Variants in JRK observed in about 807,000 individuals in gnomAD.
JRK encodes Jrk helix-turn-helix protein, also known as jerky protein homolog.
For synonymous variants in JRK, 303 were observed against 218.1 expected (o/e 1.39, Z -3.43); for missense variants, 720 against 509.2 (o/e 1.41, Z -3.98).
chr8:142,665,226 G>A lies in JRK; in HGVS notation c.833C>T (p.Ser278Leu), dbSNP rs782116701. Residue 278 changes from serine (S) to leucine (L), a missense_variant, in exon 2 of 2, where the codon TCG becomes TTG. Physicochemically the swap from Ser to Leu is moderately radical, Grantham distance 145. Transcript: ENST00000612905. Reference protein sequence around the residue: ...SDWFHHIFVPSVREHFRTIGL... With the variant: ...SDWFHHIFVPLVREHFRTIGL... ...TATGGTTCTGAAGTGCTCTCTCACC[G>A]AGGGCACAAAGATATGATGGAACCA... is the stretch of plus-strand genomic sequence containing the variant. 7.0e-5 allele frequency: 50 copies of A among 717,790 alleles called. 2 individuals carry two copies. Among genetic ancestry groups the A allele is most frequent in the South Asian group, 5.0e-4 (34 of 67,602 alleles). The allele number at this position is 717,790 out of a possible 1,614,324, so 44.5% of individuals were successfully genotyped here. A position where few individuals can be genotyped will look rare whatever the true frequency, so the allele number is the denominator to read the frequency against.
In JRK at chr8:142,661,765, G is replaced by A. The variant is rs377209416; in HGVS notation, c.*2587C>T. The A allele has an allele frequency of 2.5e-4, 243 of 985,502 alleles. 2 individuals carry two copies. In the African/African-American group the frequency reaches 3.1e-3, roughly 13 times the overall value. 61.0% of individuals were successfully genotyped at this position (985,502 alleles called of 1,614,324 possible). A position where few individuals can be genotyped will look rare whatever the true frequency, so the allele number is the denominator to read the frequency against. On this transcript the variant is annotated 3_prime_UTR_variant, in exon 2 of 2. Transcript: ENST00000612905. ...GCTGTGCTGTGGTGTCTGGTACAGC[G>A]GGGCTCCACCTGAGAGGGCTTGGGG... is the stretch of plus-strand genomic sequence containing the variant.
At chr8:142,669,621 G>A (rs1847259552) in intron 1 of JRK, among the ~76,000 whole-genome samples, 1 of 152,096 alleles carries the variant, frequency 6.6e-6, no homozygotes, top group Non-Finnish European at 1.5e-5. Flanking sequence ...GAAGGGTCCG[G>A]GCTGGGGCGT....
rs1229008765 is a variant in JRK at position 142,658,659 on chromosome 8, C to T, written c.*5693G>A. Reference sequence around the variant, plus strand: ...TAAGCCTAGTCACCTCCCAAAGGCCCCACCTCCTAATACCACCCTCCTGGG... The same window carrying T: ...TAAGCCTAGTCACCTCCCAAAGGCCTCACCTCCTAATACCACCCTCCTGGG... On this transcript the variant is annotated 3_prime_UTR_variant, in exon 2 of 2. Coordinates refer to ENST00000612905, the MANE Select transcript of JRK (RefSeq NM_003724.4). The T allele has an allele frequency of 8.1e-5, 75 of 927,054 alleles. No individual in the cohort carries two copies. Among genetic ancestry groups the T allele is most frequent in the Non-Finnish European group, 1.1e-4 (70 of 664,764 alleles). The allele number at this position is 927,054 out of a possible 1,614,324, so 57.4% of individuals were successfully genotyped here. A position where few individuals can be genotyped will look rare whatever the true frequency, so the allele number is the denominator to read the frequency against.
chr8:142,653,950 TTCTC>T (rs1846707341), downstream of JRK, among the ~76,000 whole-genome samples: 1 of 152,190 alleles, frequency 6.6e-6, no homozygotes, highest in Non-Finnish European at 1.5e-5. Context: ...ATTCAACTCT[TTCTC>T]TACTGCAATT....
At chr8:142,666,838 C>A (rs1847142663) in intron 1 of JRK, among the ~76,000 whole-genome samples, 1 of 152,198 alleles carries the variant, frequency 6.6e-6, no homozygotes, top group South Asian at 2.1e-4. Flanking sequence ...CAGGCAGAAG[C>A]CATCAGAGGA....
In JRK at chr8:142,660,494, G is replaced by A. The variant is rs1477024825; in HGVS notation, c.*3858C>T. On this transcript the variant is annotated 3_prime_UTR_variant, in exon 2 of 2. Transcript: ENST00000612905. ...TAACTCACTGCAGCCTCAAACTCCT[G>A]GGCTTGGGGATCCTCCCGCCTCGGC... 6 of 900,840 alleles carry A rather than the reference G, an allele frequency of 6.7e-6. No individual in the cohort carries two copies. The Admixed American group carries it at 1.9e-4, about 28-fold the overall frequency. The allele number at this position is 900,840 out of a possible 1,614,324, so 55.8% of individuals were successfully genotyped here. A position where few individuals can be genotyped will look rare whatever the true frequency, so the allele number is the denominator to read the frequency against.
chr8:142,645,731 T>C, the JRK span, among the ~76,000 whole-genome samples: 1 of 152,150 alleles, frequency 6.6e-6, no homozygotes, highest in African/African-American at 2.4e-5. Context: ...ACACAGACCA[T>C]TCATGACATG....
At chr8:142,653,461 C>A (rs138963039), downstream of JRK, among the ~76,000 whole-genome samples, 1 of 152,138 alleles carries the variant, frequency 6.6e-6, no homozygotes, top group Non-Finnish European at 1.5e-5. Context: ...GTGGCCTTGA[C>A]CTCCTGGGCT....
chr8:142,669,429 C>T (rs976628132), intron 1 of JRK, among the ~76,000 whole-genome samples: 4 of 152,128 alleles, frequency 2.6e-5, no homozygotes, highest in Non-Finnish European at 2.9e-5. Context: ...AGAGACAGCG[C>T]TGGGCTACTG....
Position 142,665,879 on chromosome 8 carries a change from C to T in JRK, c.180G>A (p.Ala60=), listed in dbSNP as rs782439628. The change falls in exon 2 of 2, where the codon GCG becomes GCA. Residue 60 remains alanine (A), a synonymous_variant. Coordinates refer to ENST00000612905, the MANE Select transcript of JRK (RefSeq NM_003724.4). ...STLYDIRAHK[A]QLLRFFASSD... is the part of the protein sequence containing the mutation. Reference sequence around the variant, plus strand: ...AGCTGGCGAAGAACCGGAGCAGCTGCGCCTTGTGGGCCCTGATGTCGTAGA... The same window carrying T: ...AGCTGGCGAAGAACCGGAGCAGCTGTGCCTTGTGGGCCCTGATGTCGTAGA... 2.3e-5 allele frequency: 18 copies of T among 783,230 alleles called. No individual in the cohort carries two copies. The highest frequency in any genetic ancestry group is 4.8e-5 in the East Asian group (2 of 41,260). 48.5% of individuals were successfully genotyped at this position (783,230 alleles called of 1,614,324 possible). A position where few individuals can be genotyped will look rare whatever the true frequency, so the allele number is the denominator to read the frequency against.
At chr8:142,655,005 C>T (rs1489454673), downstream of JRK, among the ~76,000 whole-genome samples, 1 of 152,188 alleles carries the variant, frequency 6.6e-6, no homozygotes, top group East Asian at 1.9e-4. Flanking sequence ...GGAGGCCTCC[C>T]CTGCTCAGCC....
In JRK at chr8:142,664,007, C is replaced by A. The variant is rs1374602892; in HGVS notation, c.*345G>T. 13 of 1,092,830 alleles carry A rather than the reference C, an allele frequency of 1.2e-5. No individual in the cohort carries two copies. Among genetic ancestry groups the A allele is most frequent in the Non-Finnish European group, 1.4e-5 (13 of 898,622 alleles). 67.7% of individuals were successfully genotyped at this position (1,092,830 alleles called of 1,614,324 possible). A position where few individuals can be genotyped will look rare whatever the true frequency, so the allele number is the denominator to read the frequency against. On this transcript the variant is annotated 3_prime_UTR_variant, in exon 2 of 2. Transcript: ENST00000612905. ...AGACTGACATCTCCACCCTCTGATA[C>A]TGCAATGATCAGCCAGCGAACACGA...
At chr8:142,669,329 G>A (rs587733185) in intron 1 of JRK, among the ~76,000 whole-genome samples, 1 of 152,208 alleles carries the variant, frequency 6.6e-6, no homozygotes, top group South Asian at 2.1e-4. Context: ...GGAGGGGACA[G>A]AAAGCCTGGG....
At chr8:142,650,782 C>A in the JRK span, among the ~76,000 whole-genome samples, 1 of 152,156 alleles carries the variant, frequency 6.6e-6, no homozygotes, top group Admixed American at 6.5e-5. Flanking sequence ...AAACACATTT[C>A]TAAGTGTCTA....
In JRK at chr8:142,661,926, C is replaced by A; in HGVS notation, c.*2426G>T. On this transcript the variant is annotated 3_prime_UTR_variant, in exon 2 of 2. Coordinates refer to ENST00000612905, the MANE Select transcript of JRK (RefSeq NM_003724.4). ...ACAGGACCGAGGCAAGAGGTATGCACCAGGCAGCTGGGCCCAGCAGCTCAG... is the reference window on the plus strand; with the variant it reads ...ACAGGACCGAGGCAAGAGGTATGCAACAGGCAGCTGGGCCCAGCAGCTCAG... 1.0e-6 allele frequency: 1 copy of A among 985,544 alleles called. No homozygotes were observed. Among genetic ancestry groups the A allele is most frequent in the South Asian group, 4.7e-5 (1 of 21,284 alleles). 61.0% of individuals were successfully genotyped at this position (985,544 alleles called of 1,614,324 possible). A position where few individuals can be genotyped will look rare whatever the true frequency, so the allele number is the denominator to read the frequency against.
At position 142,660,359 on chromosome 8, in the gene JRK, G is replaced by C. The variant is rs587654347; in HGVS notation, c.*3993C>G. ...ACATCCTGACCCCTACCTACCTCAT[G>C]ACCTCCCCGACCCTGATCTCCACAC... On this transcript the variant is annotated 3_prime_UTR_variant, in exon 2 of 2. Transcript: ENST00000612905. 1.3e-4 allele frequency: 131 copies of C among 985,314 alleles called. 1 individual carries two copies. The African/African-American group carries it at 2.1e-3, about 16-fold the overall frequency. 61.0% of individuals were successfully genotyped at this position (985,314 alleles called of 1,614,324 possible). A position where few individuals can be genotyped will look rare whatever the true frequency, so the allele number is the denominator to read the frequency against.
intron 1 of JRK, among the ~76,000 whole-genome samples, chr8:142,669,061 G>C (rs1349603452): frequency 6.6e-6 from 1 of 152,126 alleles, no homozygotes; most frequent in South Asian, 2.1e-4. Context: ...CAAGAAACGG[G>C]AGGCCTGAGG....
Position 142,664,660 on chromosome 8 carries a change from T to C in JRK, c.1399A>G (p.Lys467Glu). The part of the protein sequence containing the change: ...SPAEVVWSSE[K>E]TPKADQDGRG... ...CCGTCCTGGTCAGCTTTCGGAGTCT[T>C]TTCTGAACTCCACACAACCTCTGCT... The change falls in exon 2 of 2, where the codon AAG becomes GAG. Residue 467 changes from lysine (K) to glutamate (E), a missense_variant. Physicochemically the swap from Lys to Glu is moderately conservative, Grantham distance 56. Transcript: ENST00000612905. The C allele has an allele frequency of 1.2e-6, 2 of 1,611,590 alleles. No homozygotes were observed. The highest frequency in any genetic ancestry group is 8.5e-7 in the Non-Finnish European group (1 of 1,179,268).
chr8:142,667,732 G>A (rs1051240296), intron 1 of JRK, among the ~76,000 whole-genome samples: 1 of 152,164 alleles, frequency 6.6e-6, no homozygotes, highest in African/African-American at 2.4e-5. Context: ...ACATAGAAAT[G>A]TCACAGCTCT....
Sources: allele counts gnomAD v4.1 joint callset (sites outside exome capture counted in the v4.1 genomes callset), GRCh38; gene constraint gnomAD v4.1.1; transcripts MANE v1.5; gene names NCBI Gene and HGNC (gene_info 2026-07-23, HGNC 2026-07-21).